ZBTB7C: variants seen among roughly 807,000 people sequenced by gnomAD.
The protein encoded by ZBTB7C is zinc finger and BTB domain-containing protein 7C.
A neutral mutation model predicts 25.7 loss-of-function variants in ZBTB7C; 8 were observed. The observed-to-expected ratio is 0.31, with a 90% CI of 0.18 to 0.56. The LOEUF (loss-of-function observed/expected upper bound fraction) is 0.56, where lower values mean the gene tolerates loss of function less well. Among genes scored for constraint, ZBTB7C ranks in the 20% least tolerant of loss-of-function variants. The probability of loss-of-function intolerance (pLI) is 0.91; values close to 1 mark genes in which losing one functional copy is unlikely to be tolerated. For synonymous variants in ZBTB7C, 394 were observed against 369.0 expected (o/e 1.07, Z -0.78); for missense variants, 824 against 855.2 (o/e 0.96, Z 0.46).
At chr18:48,250,511 C>T (rs2043816415) in intron 2 of ZBTB7C, among the ~76,000 whole-genome samples, 1 of 152,130 alleles carries the variant, frequency 6.6e-6, no homozygotes, top group African/African-American at 2.4e-5. Flanking sequence ...TAACTGTTGT[C>T]CTTGTGGTGG....
At chr18:48,202,460 G>C (rs550350250) in intron 2 of ZBTB7C, among the ~76,000 whole-genome samples, 4 of 150,188 alleles carry the variant, frequency 2.7e-5, no homozygotes, top group Admixed American at 2.7e-4. Context: ...GGACAGAAGG[G>C]GGACAAAACC....
chr18:48,056,196 A>G (rs146301635), intron 3 of ZBTB7C, among the ~76,000 whole-genome samples: 1 of 152,232 alleles, frequency 6.6e-6, no homozygotes, highest in Non-Finnish European at 1.5e-5. Context: ...ATCCATACAG[A>G]GACTGTTTTA....
At chr18:48,280,982 T>C (rs1044207232) in intron 2 of ZBTB7C, among the ~76,000 whole-genome samples, 2 of 151,636 alleles carry the variant, frequency 1.3e-5, no homozygotes, top group South Asian at 4.2e-4. Flanking sequence ...GCCTCCCAAG[T>C]AGCTGGAACT....
At chr18:48,322,271 G>A (rs1316689375) in intron 2 of ZBTB7C, among the ~76,000 whole-genome samples, 9 of 152,134 alleles carry the variant, frequency 5.9e-5, no homozygotes, top group Non-Finnish European at 8.8e-5. Flanking sequence ...GAGAGGAAGG[G>A]AGGCTGTCCC....
intron 2 of ZBTB7C, among the ~76,000 whole-genome samples, chr18:48,224,233 C>T (rs1208201136): frequency 2.6e-5 from 4 of 152,194 alleles, no homozygotes; most frequent in Non-Finnish European, 5.9e-5. Flanking sequence ...ATAACCTATG[C>T]ATCCATACTC....
At chr18:48,284,395 T>C (rs951864194) in intron 2 of ZBTB7C, among the ~76,000 whole-genome samples, 1 of 150,116 alleles carries the variant, frequency 6.7e-6, no homozygotes, top group African/African-American at 2.5e-5. Flanking sequence ...GTCATGATCA[T>C]GCCATTGCAC....
intron 4 of ZBTB7C, among the ~76,000 whole-genome samples, chr18:48,035,373 G>T (rs2035927890): frequency 6.6e-6 from 1 of 152,190 alleles, no homozygotes; most frequent in African/African-American, 2.4e-5. Context: ...TCCCCATCAG[G>T]CATGGCTGGG....
chr18:48,159,859 G>GCCCAGGGGGCCTCCAGCC (rs1256644068), intron 3 of ZBTB7C, among the ~76,000 whole-genome samples: 4 of 152,188 alleles, frequency 2.6e-5, no homozygotes, highest in African/African-American at 9.6e-5. Context: ...GCAGCCCAGA[G>GCCCAGGGGGCCTCCAGCC]CCCAGGGGGC....
At chr18:48,367,192 TATATATATATACACACAC>T (rs1413439114) in intron 1 of ZBTB7C, among the ~76,000 whole-genome samples, 648 of 53,482 alleles carry the variant, frequency 0.012, 14 homozygotes, top group African/African-American at 0.04. Context: ...TATATATATA[TATATATATATACACACAC>T]ACACACACAC....
At chr18:48,383,289 TCTCA>T (rs776370416) in intron 1 of ZBTB7C, among the ~76,000 whole-genome samples, 5 of 152,046 alleles carry the variant, frequency 3.3e-5, no homozygotes, top group African/African-American at 1.2e-4. Flanking sequence ...TAAGGCAGGG[TCTCA>T]CTCACTCTGT....
chr18:48,263,630 T>A (rs1258973657), intron 2 of ZBTB7C, among the ~76,000 whole-genome samples: 1 of 151,422 alleles, frequency 6.6e-6, no homozygotes, highest in African/African-American at 2.4e-5. Context: ...GCTATCTCGC[T>A]CTTGACACTG....
chr18:48,129,015 G>A (rs6507817), intron 3 of ZBTB7C, among the ~76,000 whole-genome samples: 129,352 of 152,020 alleles, frequency 0.85, 55,185 homozygotes, highest in African/African-American at 0.9. Flanking sequence ...ACTAGGTTTG[G>A]TCATCAGAAC....
intron 3 of ZBTB7C, among the ~76,000 whole-genome samples, chr18:48,085,742 T>C (rs1277892806): frequency 1.3e-5 from 2 of 152,268 alleles, no homozygotes. Flanking sequence ...CATGAAGAAC[T>C]GGGCTTTGGG....
At chr18:48,321,125 C>T (rs2046083397) in intron 2 of ZBTB7C, among the ~76,000 whole-genome samples, 1 of 152,250 alleles carries the variant, frequency 6.6e-6, no homozygotes, top group Admixed American at 6.5e-5. Flanking sequence ...GGCATATAGC[C>T]TCGGCACTGG....
chr18:48,133,943 T>C (rs753976631), intron 3 of ZBTB7C, among the ~76,000 whole-genome samples: 7 of 152,218 alleles, frequency 4.6e-5, no homozygotes, highest in Non-Finnish European at 8.8e-5. Context: ...TATACACCTG[T>C]GTAATTGCTG....
intron 4 of ZBTB7C, among the ~76,000 whole-genome samples, chr18:48,038,188 C>A (rs1314111193): frequency 6.6e-6 from 1 of 152,022 alleles, no homozygotes; most frequent in Non-Finnish European, 1.5e-5. Flanking sequence ...AGGAGCAGGG[C>A]GCCCTGCTGT....
At chr18:48,341,616 C>T (rs992870060) in intron 1 of ZBTB7C, among the ~76,000 whole-genome samples, 2 of 152,210 alleles carry the variant, frequency 1.3e-5, no homozygotes, top group African/African-American at 2.4e-5. Flanking sequence ...GAATGACTCT[C>T]CTTAAAGGAG....
In ZBTB7C at chr18:48,339,434, G is replaced by C. The variant is rs117833470; in HGVS notation, c.-303-1036C>G. On this transcript the variant is annotated intron_variant, in intron 1 of 4. Transcript: ENST00000590800. ...GGAAGGGACACATATATAATGATTA[G>C]ACTCTCTTCAAGCTGCTTTTGCATC... Among the ~76,000 whole-genome samples the C allele has an allele frequency of 5.1e-3, 784 of 152,340 alleles. 3 individuals carry two copies. Among genetic ancestry groups the C allele is most frequent in the Non-Finnish European group, 7.7e-3 (521 of 68,032 alleles).
chr18:48,128,331 C>T (rs527872611), intron 3 of ZBTB7C, among the ~76,000 whole-genome samples: 1 of 152,180 alleles, frequency 6.6e-6, no homozygotes, highest in Non-Finnish European at 1.5e-5. Context: ...TCCCCTTCCC[C>T]AAATAAACAA....
Sources: gnomAD v4.1 joint callset for allele counts (sites outside exome capture counted in the v4.1 genomes callset) on GRCh38, gnomAD v4.1.1 for gene constraint, MANE v1.5 for transcripts, NCBI Gene and HGNC (gene_info 2026-07-23, HGNC 2026-07-21) for gene names.